Variants in ATXN2 observed in about 807,000 individuals in gnomAD.
ATXN2 encodes ataxin-2.
ATXN2 carries 37 observed loss-of-function variants against 138.6 expected under a neutral mutation model. The ratio of observed to expected loss-of-function variants is 0.27; its 90% confidence interval spans 0.21 to 0.35. ATXN2 has a LOEUF of 0.35. Ranked by LOEUF, ATXN2 falls within the 10% of genes least tolerant of loss-of-function variation. ATXN2 has a pLI of 1.00. For synonymous variants in ATXN2, 549 were observed against 543.7 expected (o/e 1.01, Z -0.13); for missense variants, 1,216 against 1,480.3 (o/e 0.82, Z 2.93).
At chr12:111,537,113 G>A (rs1034218669) in intron 5 of ATXN2, among the ~76,000 whole-genome samples, 6 of 151,900 alleles carry the variant, frequency 3.9e-5, no homozygotes, top group East Asian at 1.9e-4. Flanking sequence ...GTCACTGTTC[G>A]CAGCAGGATT....
chr12:111,550,411 A>G (rs1460734567), intron 5 of ATXN2, among the ~76,000 whole-genome samples: 1 of 152,212 alleles, frequency 6.6e-6, no homozygotes, highest in African/African-American at 2.4e-5. Context: ...AAGACAATGC[A>G]TACCGTAAAT....
intron 23 of ATXN2, 44 bp downstream of exon 23, chr12:111,455,985 A>G (rs752317090): frequency 6.4e-7 from 1 of 1,568,566 alleles, no homozygotes; most frequent in South Asian, 1.1e-5. Context: ...TAACCTTCAC[A>G]TTCTACTTGG....
At position 111,509,881 on chromosome 12, in the gene ATXN2, A is replaced by G; in HGVS notation, c.1864+10T>C. The G allele has an allele frequency of 6.3e-7, 1 of 1,582,558 alleles. No individual in the cohort carries two copies. The highest frequency in any genetic ancestry group is 1.1e-5 in the South Asian group (1 of 89,762). ...CTACAGTTAAGCTTAATGACTCTTT[A>G]AACTCTAACCTTTGTTTTCAGCTTT... On this transcript the variant is annotated intron_variant, in intron 13 of 24. Transcript: ENST00000673436.
chr12:111,522,446 T>C (rs755196476), intron 6 of ATXN2, among the ~76,000 whole-genome samples: 1 of 151,130 alleles, frequency 6.6e-6, no homozygotes, highest in Non-Finnish European at 1.5e-5. Flanking sequence ...CTGTCTCTAC[T>C]AAAAATACAA....
At chr12:111,505,268 C>T (rs891384024) in intron 14 of ATXN2, among the ~76,000 whole-genome samples, 2 of 152,010 alleles carry the variant, frequency 1.3e-5, no homozygotes, top group Non-Finnish European at 1.5e-5. Flanking sequence ...CTTAAAAAAA[C>T]CCAGAAGAGT....
Position 111,598,160 on chromosome 12 carries a change from G to C in ATXN2, c.251+624C>G, listed in dbSNP as rs1024144045. ...CTCGGACACGAACGCAGAGGGGTGC[G>C]GGGGCCAAGGCCCACTTGTCTCCAC... On this transcript the variant is annotated intron_variant, in intron 1 of 24. Transcript: ENST00000673436. This position sits in a 1 kb window ranked among gnomAD's most constrained non-coding sequence, Gnocchi z 4.5. 1 of 1,100,712 alleles carries C rather than the reference G, an allele frequency of 9.1e-7. No individual in the cohort carries two copies. The highest frequency in any genetic ancestry group is 7.1e-5 in the East Asian group (1 of 14,064). The allele number at this position is 1,100,712 out of a possible 1,614,324, so 68.2% of individuals were successfully genotyped here. A position where few individuals can be genotyped will look rare whatever the true frequency, so the allele number is the denominator to read the frequency against.
chr12:111,587,600 G>A (rs1025898032), intron 1 of ATXN2, among the ~76,000 whole-genome samples: 2 of 151,838 alleles, frequency 1.3e-5, no homozygotes, highest in Non-Finnish European at 2.9e-5. Context: ...AGGCTGCAGT[G>A]AGCCATGACC....
intron 1 of ATXN2, among the ~76,000 whole-genome samples, chr12:111,595,525 C>A (rs1257980931): frequency 6.6e-6 from 1 of 151,406 alleles, no homozygotes; most frequent in Non-Finnish European, 1.5e-5. Context: ...TCCTGTAGCC[C>A]CAGCTACTCA....
At chr12:111,486,684 G>T in intron 16 of ATXN2, 77 bp downstream of exon 16, 5 of 1,225,334 alleles carry the variant, frequency 4.1e-6, no homozygotes, top group African/African-American at 1.5e-5. Context: ...TCAGATGGCA[G>T]GTATGGAAGA....
intron 21 of ATXN2, among the ~76,000 whole-genome samples, chr12:111,464,285 TAA>T (rs1426657993): frequency 8.0e-5 from 12 of 150,226 alleles, no homozygotes; most frequent in South Asian, 4.2e-4. Flanking sequence ...TGTGTGTGTA[TAA>T]ATAAACATTT....
rs1215606329 is a variant in ATXN2, at chr12:111,452,712, A to T, written c.*100T>A. On this transcript the variant is annotated 3_prime_UTR_variant, in exon 25 of 25. Coordinates refer to ENST00000673436, the MANE Select transcript of ATXN2 (RefSeq NM_001372574.1). ...TACAAGAAATCAACATATATATTTT[A>T]AAAACAAAATAAATGAAATTCTAGT... 3.8e-6 allele frequency: 5 copies of T among 1,313,366 alleles called. No individual in the cohort carries two copies. Among genetic ancestry groups the T allele is most frequent in the Non-Finnish European group, 5.5e-6 (5 of 909,584 alleles). The allele number at this position is 1,313,366 out of a possible 1,614,324, so 81.4% of individuals were successfully genotyped here. A position where few individuals can be genotyped will look rare whatever the true frequency, so the allele number is the denominator to read the frequency against.
chr12:111,541,166 C>G (rs1881479238), intron 5 of ATXN2, among the ~76,000 whole-genome samples: 1 of 149,500 alleles, frequency 6.7e-6, no homozygotes, highest in South Asian at 2.1e-4. Context: ...TCTCATTAAT[C>G]TATTTGGTTT....
chr12:111,456,950 G>A (rs535119645), intron 22 of ATXN2, among the ~76,000 whole-genome samples: 1 of 152,114 alleles, frequency 6.6e-6, no homozygotes, highest in African/African-American at 2.4e-5. Context: ...GAGTTTCACA[G>A]TGTTCGCCAG....
intron 14 of ATXN2, among the ~76,000 whole-genome samples, chr12:111,494,563 T>C (rs1368909875): frequency 6.6e-6 from 1 of 151,958 alleles, no homozygotes; most frequent in Non-Finnish European, 1.5e-5. Context: ...GTATCTGAGA[T>C]TACAGGCACG....
chr12:111,537,302 T>C (rs945768904), intron 5 of ATXN2, among the ~76,000 whole-genome samples: 3 of 152,004 alleles, frequency 2.0e-5, no homozygotes, highest in Non-Finnish European at 2.9e-5. Context: ...ATAATATATA[T>C]GGCCAGATGC....
At chr12:111,567,537 G>A (rs1049847416) in intron 1 of ATXN2, among the ~76,000 whole-genome samples, 1 of 150,666 alleles carries the variant, frequency 6.6e-6, no homozygotes, top group Non-Finnish European at 1.5e-5. Context: ...GAAATGGCCT[G>A]GCACAGTGGC....
At chr12:111,594,752 C>T (rs1048474433) in intron 1 of ATXN2, among the ~76,000 whole-genome samples, 1 of 151,844 alleles carries the variant, frequency 6.6e-6, no homozygotes, top group Non-Finnish European at 1.5e-5. Flanking sequence ...AAAAAGTTAC[C>T]AAAAATAACT....
At chr12:111,509,852 A>G in intron 13 of ATXN2, 39 bp downstream of exon 13, 1 of 1,435,946 alleles carries the variant, frequency 7.0e-7, no homozygotes, top group Non-Finnish European at 9.8e-7. Context: ...ACTTCTTCCT[A>G]TTCCTACAGT....
In ATXN2 at chr12:111,599,241, G is replaced by T; in HGVS notation, c.-207C>A. 8 of 1,207,982 alleles carry T rather than the reference G, an allele frequency of 6.6e-6. No individual in the cohort carries two copies. The highest frequency in any genetic ancestry group is 8.2e-6 in the Non-Finnish European group (8 of 975,234). The allele number at this position is 1,207,982 out of a possible 1,614,324, so 74.8% of individuals were successfully genotyped here. ...GGCCCGCCGAGACCAAGGAGCCGCC[G>T]GGAGCCGGGCCGAAACGCGCCGCCG... On this transcript the variant is annotated 5_prime_UTR_variant, in exon 1 of 25. Transcript: ENST00000673436.
Sources: allele counts gnomAD v4.1 joint callset (sites outside exome capture counted in the v4.1 genomes callset), GRCh38; gene constraint gnomAD v4.1.1; non-coding constraint Gnocchi (gnomAD v3.1); transcripts MANE v1.5; gene names NCBI Gene and HGNC (gene_info 2026-07-23, HGNC 2026-07-21).